The following MEF2A variants were observed in gnomAD, a reference collection of about 807,000 sequenced individuals.
MEF2A encodes myocyte enhancer factor 2A.
A neutral mutation model predicts 55.8 loss-of-function variants in MEF2A; 28 were observed. That is an observed-to-expected ratio of 0.50 (90% CI 0.37 to 0.69). The LOEUF (loss-of-function observed/expected upper bound fraction) is 0.69, where lower values mean the gene tolerates loss of function less well. Among genes scored for constraint, MEF2A ranks in the 30% least tolerant of loss-of-function variants. The probability of loss-of-function intolerance (pLI) is 0.00; values close to 1 mark genes in which losing one functional copy is unlikely to be tolerated. For synonymous variants in MEF2A, 239 were observed against 227.1 expected (o/e 1.05, Z -0.47); for missense variants, 528 against 626.2 (o/e 0.84, Z 1.67).
chr15:99,696,851 A>G (rs1386672359), intron 8 of MEF2A, among the ~76,000 whole-genome samples: 1 of 152,110 alleles, frequency 6.6e-6, no homozygotes, highest in African/African-American at 2.4e-5. Flanking sequence ...AGCCAACACA[A>G]GAAAAAAAGT....
chr15:99,683,461 C>T (rs2053612427), intron 7 of MEF2A, among the ~76,000 whole-genome samples: 1 of 152,174 alleles, frequency 6.6e-6, no homozygotes. Context: ...GGCTGGACTA[C>T]AGTGGCACGA....
rs188812990 is a variant in MEF2A at position 99,662,768 on chromosome 15, G to A, written c.259-8555G>A. Among the ~76,000 whole-genome samples the A allele has an allele frequency of 1.8e-4, 27 of 152,194 alleles. No homozygotes were observed. The South Asian group carries it at 2.3e-3, about 13-fold the overall frequency. ...GCTAGGATTACAGGCATGAGCCACC[G>A]CGCCCGGCCCAAGCCATGATTTCTT... is the stretch of plus-strand genomic sequence containing the variant. On this transcript the variant is annotated intron_variant, in intron 4 of 11. Transcript: ENST00000557942.
intron 3 of MEF2A, among the ~76,000 whole-genome samples, chr15:99,637,918 C>G (rs1005464921): frequency 8.5e-5 from 13 of 152,222 alleles, no homozygotes; most frequent in African/African-American, 3.1e-4. Flanking sequence ...GTTGGAATCA[C>G]AGGCGTGAGC....
At chr15:99,671,717 C>T in intron 5 of MEF2A, 7 of 1,415,674 alleles carry the variant, frequency 4.9e-6, no homozygotes, top group Non-Finnish European at 6.5e-6. Context: ...GACCAAACAT[C>T]TTGTTGCTTA....
At chr15:99,639,556 A>C (rs2044516163) in intron 3 of MEF2A, among the ~76,000 whole-genome samples, 1 of 152,210 alleles carries the variant, frequency 6.6e-6, no homozygotes, top group African/African-American at 2.4e-5. Context: ...GACCTGTCTC[A>C]TTATACATGG....
At chr15:99,657,205 T>C (rs2047884441) in intron 4 of MEF2A, among the ~76,000 whole-genome samples, 1 of 152,066 alleles carries the variant, frequency 6.6e-6, no homozygotes, top group South Asian at 2.1e-4. Context: ...GGGTATAAGT[T>C]TTCACTTCTC....
intron 7 of MEF2A, among the ~76,000 whole-genome samples, chr15:99,678,948 C>A (rs1251364561): frequency 3.3e-5 from 5 of 151,998 alleles, no homozygotes. Flanking sequence ...TGCATGAGAA[C>A]ACATCACTTC....
intron 2 of MEF2A, among the ~76,000 whole-genome samples, chr15:99,602,150 T>C (rs1338932171): frequency 2.0e-5 from 3 of 152,098 alleles, no homozygotes; most frequent in African/African-American, 7.2e-5. Flanking sequence ...TAAAAAGCTT[T>C]AGAGCAGGAA....
chr15:99,613,954 A>G (rs1163271401), intron 2 of MEF2A, among the ~76,000 whole-genome samples: 2 of 152,198 alleles, frequency 1.3e-5, no homozygotes, highest in South Asian at 4.1e-4. Context: ...GTTTTATCAC[A>G]TCAGTGGCAT....
intron 7 of MEF2A, 73 bp downstream of exon 7, chr15:99,675,531 A>G (rs2051810882): frequency 1.5e-6 from 2 of 1,335,148 alleles, no homozygotes; most frequent in South Asian, 2.5e-5. Context: ...TGTTCCTGAA[A>G]TAAAGCTTTC....
chr15:99,663,206 G>C (rs1256966908), intron 4 of MEF2A, among the ~76,000 whole-genome samples: 1 of 151,934 alleles, frequency 6.6e-6, no homozygotes, highest in Non-Finnish European at 1.5e-5. Context: ...GAAAATGCAA[G>C]TCCCTTGGGA....
rs370523988 is a variant in MEF2A at position 99,633,143 on chromosome 15, C to T, written c.24C>T (p.Ile8=). MGRKKIQ[I]TRIMDERNRQ... is the part of the protein sequence containing the mutation. ...AAATGGGGCGGAAGAAAATACAAAT[C>T]ACACGCATAATGGATGAAAGGAACC... The change falls in exon 3 of 12, where the codon ATC becomes ATT. Residue 8 remains isoleucine, a synonymous_variant. Transcript: ENST00000557942. The T allele has an allele frequency of 1.4e-5, 23 of 1,597,802 alleles. No individual in the cohort carries two copies. The highest frequency in any genetic ancestry group is 1.9e-5 in the Non-Finnish European group (22 of 1,173,242).
intron 7 of MEF2A, chr15:99,678,573 T>G (rs2153664369): frequency 1.4e-6 from 1 of 740,374 alleles, no homozygotes; most frequent in East Asian, 1.3e-4. Context: ...TATAGGCGAG[T>G]CTTCCATTTG....
chr15:99,602,654 GT>G (rs1342146288), intron 2 of MEF2A, among the ~76,000 whole-genome samples: 1,124 of 10,804 alleles, frequency 0.1, 20 homozygotes, highest in Admixed American at 0.13. Flanking sequence ...CATTCCTGGG[GT>G]GTGTGTGTGT....
At chr15:99,676,260 G>A (rs982409307) in intron 7 of MEF2A, among the ~76,000 whole-genome samples, 1 of 152,058 alleles carries the variant, frequency 6.6e-6, no homozygotes, top group Non-Finnish European at 1.5e-5. Flanking sequence ...ACAATTAAAT[G>A]TGGGAAAATA....
chr15:99,668,351 A>G (rs923307592), intron 4 of MEF2A, among the ~76,000 whole-genome samples: 2 of 152,242 alleles, frequency 1.3e-5, no homozygotes, highest in African/African-American at 4.8e-5. Flanking sequence ...CCTGTAATGT[A>G]TGTTGTAGAA....
At chr15:99,699,970 GTGTGTGTGTGTGTGTATA>G (rs1567483032) in intron 8 of MEF2A, among the ~76,000 whole-genome samples, 1 of 98,208 alleles carries the variant, frequency 1.0e-5, no homozygotes, top group East Asian at 3.6e-4. Context: ...GTGTGTGTGT[GTGTGTGTGTGTGTGTATA>G]TATATATATA....
intron 2 of MEF2A, among the ~76,000 whole-genome samples, chr15:99,615,299 A>G (rs2040005363): frequency 6.6e-6 from 1 of 152,078 alleles, no homozygotes; most frequent in Non-Finnish European, 1.5e-5. Context: ...AGTTTCTGGT[A>G]TTTGTCTTTT....
intron 2 of MEF2A, among the ~76,000 whole-genome samples, chr15:99,620,152 C>T (rs961814483): frequency 3.3e-5 from 5 of 152,068 alleles, no homozygotes; most frequent in African/African-American, 9.7e-5. Context: ...GTATATGCTG[C>T]TAGTCTTTTA....
Sources: allele counts gnomAD v4.1 joint callset (sites outside exome capture counted in the v4.1 genomes callset), GRCh38; gene constraint gnomAD v4.1.1; transcripts MANE v1.5; gene names NCBI Gene and HGNC (gene_info 2026-07-23, HGNC 2026-07-21).